Variants in NTN1 observed in about 807,000 individuals in gnomAD.
NTN1 encodes netrin 1.
In NTN1, 11 loss-of-function variants were observed where a neutral mutation model predicts 54.2. The ratio of observed to expected loss-of-function variants is 0.20; its 90% CI spans 0.13 to 0.34. NTN1 has a LOEUF of 0.34. Ranked by LOEUF, NTN1 falls within the 10% of genes least tolerant of loss-of-function variation. The pLI, the probability that NTN1 is intolerant of heterozygous loss-of-function variation, is 1.00. For synonymous variants in NTN1, 371 were observed against 382.0 expected, an observed-to-expected ratio of 0.97 and a Z score of 0.33; for missense variants, 740 against 893.1, an observed-to-expected ratio of 0.83 and a Z score of 2.18.
intron 2 of NTN1, among the ~76,000 whole-genome samples, chr17:9,051,753 G>T (rs2091960964): frequency 6.6e-6 from 1 of 152,090 alleles, no homozygotes; most frequent in African/African-American, 2.4e-5. Context: ...GTTAGTTATA[G>T]TCACCAGACT....
At position 9,082,806 on chromosome 17, in the gene NTN1, C is replaced by T. The variant is rs533823746; in HGVS notation, c.1018+59415C>T. On this transcript the variant is annotated intron_variant, in intron 2 of 6. Coordinates refer to ENST00000173229, the MANE Select transcript of NTN1 (RefSeq NM_004822.3). ...GAACCAACCAAATCAGATGAAACAT[C>T]GGGAGGATAAATCTGAAGTCTTCCT... is the stretch of plus-strand genomic sequence containing the variant. Among the ~76,000 whole-genome samples, 11 of 150,912 alleles carry T rather than the reference C, an allele frequency of 7.3e-5. No homozygotes were observed. The South Asian group carries it at 1.9e-3, about 26-fold the overall frequency.
intron 5 of NTN1, among the ~76,000 whole-genome samples, chr17:9,213,785 C>T (rs1290605836): frequency 6.6e-6 from 1 of 152,204 alleles, no homozygotes; most frequent in East Asian, 1.9e-4. Flanking sequence ...CTGAAACCAT[C>T]TCTATCCAGA....
chr17:9,063,988 T>G (rs1445952315), intron 2 of NTN1, among the ~76,000 whole-genome samples: 2 of 152,198 alleles, frequency 1.3e-5, no homozygotes, highest in Admixed American at 1.3e-4. Flanking sequence ...AATTACTAAG[T>G]AAGAAATACA....
chr17:9,083,101 T>C (rs1294572036), intron 2 of NTN1, among the ~76,000 whole-genome samples: 1 of 152,036 alleles, frequency 6.6e-6, no homozygotes, highest in Non-Finnish European at 1.5e-5. Context: ...GTGGGTTTTT[T>C]TTTTCTTCTT....
intron 6 of NTN1, among the ~76,000 whole-genome samples, chr17:9,237,527 G>A (rs150708455): frequency 7.5e-4 from 114 of 152,268 alleles, no homozygotes; most frequent in African/African-American, 1.9e-3. Context: ...ACAGATGCTC[G>A]GAGCCTGGGA....
At chr17:9,090,102 C>T (rs2092104817) in intron 2 of NTN1, among the ~76,000 whole-genome samples, 1 of 151,878 alleles carries the variant, frequency 6.6e-6, no homozygotes. Flanking sequence ...GGTGTTGACG[C>T]CTGTCTCCTC....
Position 9,240,090 on chromosome 17 carries a change from G to A in NTN1, c.*122G>A, listed in dbSNP as rs1312539423. 4.3e-6 allele frequency: 1 copy of A among 232,838 alleles called. No individual in the cohort carries two copies. Among genetic ancestry groups the A allele is most frequent in the East Asian group, 1.5e-4 (1 of 6,494 alleles). 14.4% of individuals were successfully genotyped at this position (232,838 alleles called of 1,614,324 possible). On this transcript the variant is annotated 3_prime_UTR_variant, in exon 7 of 7. Transcript: ENST00000173229. Reference sequence around the variant, plus strand: ...GCTTTCCCAGGTGGGGGGAGGGAGGGGGCGGGGCCGCACGGCGCGGGGGGC... The same window carrying A: ...GCTTTCCCAGGTGGGGGGAGGGAGGAGGCGGGGCCGCACGGCGCGGGGGGC...
rs1254071581 is a variant in NTN1, at chr17:9,241,780, C to T, written c.*1812C>T. The T allele has an allele frequency of 2.6e-5, 4 of 152,274 alleles. No homozygotes were observed. The highest frequency in any genetic ancestry group is 5.9e-5 in the Non-Finnish European group (4 of 68,064). 9.4% of individuals were successfully genotyped at this position (152,274 alleles called of 1,614,324 possible). Reference sequence around the variant, plus strand: ...GGACTCATTATCACCAGCAAGGAGACTGGAGTACACGTGCCCAAGGTCATG... The same window carrying T: ...GGACTCATTATCACCAGCAAGGAGATTGGAGTACACGTGCCCAAGGTCATG... On this transcript the variant is annotated 3_prime_UTR_variant, in exon 7 of 7. Transcript: ENST00000173229.
chr17:9,160,576 T>G (rs1330821048), intron 2 of NTN1, among the ~76,000 whole-genome samples: 1 of 152,204 alleles, frequency 6.6e-6, no homozygotes, highest in African/African-American at 2.4e-5. Context: ...AAAGGAAAGA[T>G]CTCTGTAGCA....
intron 2 of NTN1, among the ~76,000 whole-genome samples, chr17:9,071,096 C>T (rs1369640459): frequency 6.6e-6 from 1 of 152,212 alleles, no homozygotes; most frequent in Non-Finnish European, 1.5e-5. Flanking sequence ...CCTCCAACTT[C>T]TTGGAACTTT....
chr17:9,141,015 A>T (rs2092296081), intron 2 of NTN1, among the ~76,000 whole-genome samples: 1 of 152,208 alleles, frequency 6.6e-6, no homozygotes, highest in African/African-American at 2.4e-5. Context: ...AGATGAAAGC[A>T]TCATTTCCTG....
intron 2 of NTN1, among the ~76,000 whole-genome samples, chr17:9,137,261 G>A (rs550405719): frequency 1.8e-4 from 28 of 152,240 alleles, no homozygotes; most frequent in African/African-American, 6.3e-4. Flanking sequence ...GGGGACTAGC[G>A]ACCATGTCTC....
intron 2 of NTN1, among the ~76,000 whole-genome samples, chr17:9,087,953 T>C (rs892181565): frequency 4.6e-5 from 7 of 152,210 alleles, no homozygotes; most frequent in Non-Finnish European, 1.0e-4. Context: ...CAAGAGCAGA[T>C]GTAGAAACCC....
rs1230556931 is a variant in NTN1 at position 9,242,393 on chromosome 17, T to C, written c.*2425T>C. ...TCAGCATCACAAGGCACTACGCTGC[T>C]GGGGCGGTTGTCCTATTTCTGTCTA... On this transcript the variant is annotated 3_prime_UTR_variant, in exon 7 of 7. Coordinates refer to ENST00000173229, the MANE Select transcript of NTN1 (RefSeq NM_004822.3). 2 of 152,274 alleles carry C rather than the reference T, an allele frequency of 1.3e-5. No individual in the cohort carries two copies. The highest frequency in any genetic ancestry group is 2.1e-4 in the South Asian group (1 of 4,832). 9.4% of individuals were successfully genotyped at this position (152,274 alleles called of 1,614,324 possible).
At chr17:9,056,795 C>T (rs931325471) in intron 2 of NTN1, among the ~76,000 whole-genome samples, 5 of 152,306 alleles carry the variant, frequency 3.3e-5, no homozygotes, top group Admixed American at 3.3e-4. Flanking sequence ...GCTCAGAGTC[C>T]AGAAGCAGGG....
chr17:9,058,281 A>G (rs2091985324), intron 2 of NTN1, among the ~76,000 whole-genome samples: 1 of 152,226 alleles, frequency 6.6e-6, no homozygotes, highest in Non-Finnish European at 1.5e-5. Context: ...CTGAGATTTT[A>G]GTGCATCATC....
At chr17:9,084,797 A>G (rs1597481982) in intron 2 of NTN1, among the ~76,000 whole-genome samples, 2 of 151,418 alleles carry the variant, frequency 1.3e-5, no homozygotes, top group Non-Finnish European at 1.5e-5. Context: ...GACTATAGGC[A>G]CCCGCCACCA....
chr17:9,234,424 G>C (rs1905912566), intron 6 of NTN1, among the ~76,000 whole-genome samples: 2 of 152,162 alleles, frequency 1.3e-5, no homozygotes, highest in Non-Finnish European at 2.9e-5. Flanking sequence ...CAGGTGCCTA[G>C]GACCTGGACA....
At chr17:9,225,340 A>G (rs528034864) in intron 6 of NTN1, among the ~76,000 whole-genome samples, 3 of 152,180 alleles carry the variant, frequency 2.0e-5, no homozygotes, top group East Asian at 1.9e-4. Flanking sequence ...GCCAAGAACA[A>G]TGTCTGGAAA....
Sources: gnomAD v4.1 joint callset for allele counts (sites outside exome capture counted in the v4.1 genomes callset) on GRCh38, gnomAD v4.1.1 for gene constraint, MANE v1.5 for transcripts, NCBI Gene and HGNC (gene_info 2026-07-23, HGNC 2026-07-21) for gene names.